NOS1: variants seen among roughly 807,000 people sequenced by gnomAD.
NOS1 encodes the protein nitric oxide synthase 1.
In NOS1, 51 loss-of-function variants were observed where a neutral mutation model predicts 164.5. That is an observed-to-expected ratio of 0.31 (90% CI 0.25 to 0.39). The LOEUF (loss-of-function observed/expected upper bound fraction) is 0.39, where lower values mean the gene tolerates loss of function less well. Ranked by LOEUF, NOS1 falls within the 10% of genes least tolerant of loss-of-function variation. NOS1 has a pLI of 1.00. For missense variants in NOS1, 1,362 were observed against 1,885.6 expected (o/e 0.72, Z 5.14); for synonymous variants, 719 against 745.8 (o/e 0.96, Z 0.59).
At chr12:117,297,169 T>C (rs776768126) in intron 3 of NOS1, among the ~76,000 whole-genome samples, 2 of 152,164 alleles carry the variant, frequency 1.3e-5, no homozygotes, top group Non-Finnish European at 2.9e-5. Context: ...AAAGACATGA[T>C]TGCAAGGATT....
intron 1 of NOS1, among the ~76,000 whole-genome samples, chr12:117,340,873 ATTTTTTT>A (rs56322341): frequency 0.14 from 14,873 of 104,614 alleles, 747 homozygotes; most frequent in Admixed American, 0.24. Flanking sequence ...ACACCTGGCT[ATTTTTTT>A]TTTTTTTTTT....
chr12:117,272,294 A>T lies in NOS1; in HGVS notation c.1839+91T>A. ...CTATTCTAACCCCTTCAAGTTTCCA[A>T]GCCACCAAGCTCGCCGTGGGGAAGG... On this transcript the variant is annotated intron_variant, in intron 10 of 28. Transcript: ENST00000317775. The surrounding 1 kb of genome is among the most constrained non-coding windows in gnomAD (Gnocchi z 4.3). 6.9e-7 allele frequency: 1 copy of T among 1,441,284 alleles called. No individual in the cohort carries two copies. The highest frequency in any genetic ancestry group is 9.7e-7 in the Non-Finnish European group (1 of 1,033,992). 89.3% of individuals were successfully genotyped at this position (1,441,284 alleles called of 1,614,324 possible).
At chr12:117,265,289 T>C (rs1377160788) in intron 12 of NOS1, 27 bp downstream of exon 12, 32 of 1,505,508 alleles carry the variant, frequency 2.1e-5, no homozygotes, top group Non-Finnish European at 2.9e-5. Context: ...ACACTTAATA[T>C]GAAAAGAGGC....
chr12:117,357,788 C>T (rs1039415825), intron 1 of NOS1, among the ~76,000 whole-genome samples: 12 of 152,266 alleles, frequency 7.9e-5, no homozygotes, highest in African/African-American at 2.6e-4. Flanking sequence ...TGATGTTTGG[C>T]GTTCGCTGGA....
intron 10 of NOS1, among the ~76,000 whole-genome samples, chr12:117,270,762 G>A (rs555154272): frequency 7.2e-5 from 11 of 152,110 alleles, no homozygotes; most frequent in South Asian, 2.1e-4. Flanking sequence ...TAGGCTGGGC[G>A]TGGTGGCTCA....
chr12:117,246,712 A>C (rs1343579646), intron 18 of NOS1, among the ~76,000 whole-genome samples: 1 of 152,128 alleles, frequency 6.6e-6, no homozygotes, highest in African/African-American at 2.4e-5. Context: ...ATTTTATATA[A>C]ATGGAATCCT....
chr12:117,234,424 T>C lies in NOS1; in HGVS notation c.3235+141A>G. 1 of 809,736 alleles carries C rather than the reference T, an allele frequency of 1.2e-6. No homozygotes were observed. Among genetic ancestry groups the C allele is most frequent in the Non-Finnish European group, 1.9e-6 (1 of 528,670 alleles). The allele number at this position is 809,736 out of a possible 1,614,324, so 50.2% of individuals were successfully genotyped here. On this transcript the variant is annotated intron_variant, in intron 21 of 28. Coordinates refer to ENST00000317775, the MANE Select transcript of NOS1 (RefSeq NM_000620.5). This position sits in a 1 kb window ranked among gnomAD's most constrained non-coding sequence, Gnocchi z 4.3. ...TGATCAGTCATGAGAAAGGGGGATATCTTTAGTCTCATAGGCTGTTAGCAA... is the reference window on the plus strand; with the variant it reads ...TGATCAGTCATGAGAAAGGGGGATACCTTTAGTCTCATAGGCTGTTAGCAA...
At chr12:117,279,367 C>T (rs567462505) in intron 8 of NOS1, among the ~76,000 whole-genome samples, 1 of 148,250 alleles carries the variant, frequency 6.7e-6, no homozygotes, top group South Asian at 2.1e-4. Context: ...GACTCCATCT[C>T]AAAAAACAAA....
chr12:117,330,467 C>A lies in NOS1; in HGVS notation c.603G>T (p.Glu201Asp). ...ATRVSLQGRGENNELLKEIEP... is the reference protein window; with the variant it reads ...ATRVSLQGRGDNNELLKEIEP... The stretch of plus-strand genomic sequence containing the variant: ...CTATCTCCTTGAGCAGTTCATTGTT[C>A]TCCCCTCTGCCTTGGAGGCTGACTC... The change falls in exon 2 of 29, where the codon GAG becomes GAT. Residue 201 changes from glutamate (E) to aspartate (D), a missense_variant. By Grantham distance (45) the Glu-to-Asp change is conservative (BLOSUM62 2). Transcript: ENST00000317775. This position sits in a 1 kb window ranked among gnomAD's most constrained non-coding sequence, Gnocchi z 4.6. 2 of 1,614,216 alleles carry A rather than the reference C, an allele frequency of 1.2e-6. No homozygotes were observed. The highest frequency in any genetic ancestry group is 2.2e-5 in the South Asian group (2 of 91,082).
Position 117,209,591 on chromosome 12 carries a change from T to G in NOS1, c.*5718A>C. ...GGGCATAGCCCCGCTTGACCAGAAC[T>G]GTTTGGGTATTTTAGAACAAAACAA... On this transcript the variant is annotated 3_prime_UTR_variant, in exon 29 of 29. Coordinates refer to ENST00000317775, the MANE Select transcript of NOS1 (RefSeq NM_000620.5). 4 of 985,516 alleles carry G rather than the reference T, an allele frequency of 4.1e-6. No homozygotes were observed. The highest frequency in any genetic ancestry group is 4.8e-6 in the Non-Finnish European group (4 of 829,962). The allele number at this position is 985,516 out of a possible 1,614,324, so 61.0% of individuals were successfully genotyped here.
Position 117,268,128 on chromosome 12 carries a change from A to C in NOS1, c.1856T>G (p.Met619Arg). Residue 619 changes from methionine to arginine, a missense_variant, in exon 11 of 29, where the codon ATG becomes AGG. Met to Arg is a moderately conservative substitution (Grantham distance 91). Transcript: ENST00000317775. ...GGACGTCTTCCTCATGTCTAAGTTC[A>C]TCTTCTTGGCCACTTCCTGAAAGAG... ...YNILEEVAKKMNLDMRKTSSL... is the reference protein window; with the variant it reads ...YNILEEVAKKRNLDMRKTSSL... 6.2e-7 allele frequency: 1 copy of C among 1,613,666 alleles called. No homozygotes were observed. Among genetic ancestry groups the C allele is most frequent in the Non-Finnish European group, 8.5e-7 (1 of 1,179,560 alleles).
intron 1 of NOS1, among the ~76,000 whole-genome samples, chr12:117,334,314 G>A (rs1176837380): frequency 6.6e-6 from 1 of 152,152 alleles, no homozygotes; most frequent in Non-Finnish European, 1.5e-5. Context: ...CTGGGCTGGG[G>A]AGAGGCAGAT....
In NOS1 at chr12:117,211,254, A is replaced by C; in HGVS notation, c.*4055T>G. On this transcript the variant is annotated 3_prime_UTR_variant, in exon 29 of 29. Coordinates refer to ENST00000317775, the MANE Select transcript of NOS1 (RefSeq NM_000620.5). ...ATTACAGACATGAGCTACCGCGCCC[A>C]GCCTGCAAGATGCTTTAATTTCTCC... 2.0e-6 allele frequency: 2 copies of C among 985,414 alleles called. No individual in the cohort carries two copies. The highest frequency in any genetic ancestry group is 1.2e-6 in the Non-Finnish European group (1 of 829,982). The allele number at this position is 985,414 out of a possible 1,614,324, so 61.0% of individuals were successfully genotyped here.
chr12:117,337,178 C>T (rs1217684614), intron 1 of NOS1, among the ~76,000 whole-genome samples: 36 of 137,358 alleles, frequency 2.6e-4, no homozygotes, highest in African/African-American at 8.9e-4. Flanking sequence ...TGCAGTGGCG[C>T]GATCTCGGCT....
At chr12:117,283,218 G>A (rs923946242) in intron 7 of NOS1, among the ~76,000 whole-genome samples, 11 of 151,790 alleles carry the variant, frequency 7.2e-5, no homozygotes, top group African/African-American at 2.4e-4. Flanking sequence ...ACTCCAGCAC[G>A]TCCTACTAAT....
Position 117,227,661 on chromosome 12 carries a change from A to G in NOS1, c.3406-20T>C. On this transcript the variant is annotated intron_variant, in intron 22 of 28. Transcript: ENST00000317775. ...CAAACCCTGTGCCAAGGAGATGGAC[A>G]GAGACAAGCTTGAACCCAGCTGCCA... The G allele has an allele frequency of 1.2e-6, 2 of 1,613,144 alleles. No homozygotes were observed. Among genetic ancestry groups the G allele is most frequent in the South Asian group, 1.1e-5 (1 of 91,064 alleles).
At chr12:117,318,172 A>G (rs1000725353) in intron 2 of NOS1, among the ~76,000 whole-genome samples, 20 of 152,098 alleles carry the variant, frequency 1.3e-4, no homozygotes, top group African/African-American at 4.3e-4. Context: ...ACCCTGTCAC[A>G]CACACACACA....
intron 5 of NOS1, among the ~76,000 whole-genome samples, chr12:117,287,340 G>A (rs1030102082): frequency 7.5e-6 from 1 of 133,516 alleles, no homozygotes; most frequent in African/African-American, 2.9e-5. Flanking sequence ...AACATGCAGA[G>A]CGCTAATCCC....
intron 22 of NOS1, among the ~76,000 whole-genome samples, chr12:117,230,085 A>G (rs1302603127): frequency 2.6e-5 from 4 of 152,002 alleles, no homozygotes; most frequent in Non-Finnish European, 5.9e-5. Flanking sequence ...ACGCCCAGCT[A>G]ATTTAATTTT....
Sources: allele counts gnomAD v4.1 joint callset (sites outside exome capture counted in the v4.1 genomes callset), GRCh38; gene constraint gnomAD v4.1.1; non-coding constraint Gnocchi (gnomAD v3.1); transcripts MANE v1.5; gene names NCBI Gene and HGNC (gene_info 2026-07-23, HGNC 2026-07-21).